PRIM2: variants seen among roughly 807,000 people sequenced by gnomAD.
PRIM2 encodes DNA primase subunit 2.
In PRIM2, 39 loss-of-function variants were observed where a neutral mutation model predicts 67.3. The observed-to-expected ratio is 0.58, with a 90% CI of 0.45 to 0.76. PRIM2 has a LOEUF of 0.76. Among genes scored for constraint, PRIM2 ranks in the 30% least tolerant of loss-of-function variants. PRIM2 has a pLI of 0.00. For missense variants in PRIM2, 398 were observed against 598.7 expected (o/e 0.66, Z 3.50); for synonymous variants, 143 against 198.7 (o/e 0.72, Z 2.36).
chr6:57,566,153 A>T, intron 10 of PRIM2, among the ~76,000 whole-genome samples: 1 of 142,098 alleles, frequency 7.0e-6, no homozygotes, highest in Non-Finnish European at 1.5e-5. Context: ...GGTGTCATTT[A>T]ATTTGTTACT....
chr6:57,313,091 A>G (rs545533079), upstream of PRIM2, among the ~76,000 whole-genome samples: 33 of 152,306 alleles, frequency 2.2e-4, no homozygotes, highest in African/African-American at 6.3e-4. Flanking sequence ...ATACTAATGA[A>G]TTAAGATTAG....
At chr6:57,371,774 A>C (rs1313117265) in intron 5 of PRIM2, among the ~76,000 whole-genome samples, 1 of 152,234 alleles carries the variant, frequency 6.6e-6, no homozygotes, top group Non-Finnish European at 1.5e-5. Flanking sequence ...CTCCCCAATC[A>C]GTTTCTTCCT....
intron 7 of PRIM2, among the ~76,000 whole-genome samples, chr6:57,487,218 T>C (rs1562774134): frequency 6.6e-6 from 1 of 152,206 alleles, no homozygotes; most frequent in Non-Finnish European, 1.5e-5. Context: ...CCATCTTCTA[T>C]GACATATTCA....
At chr6:57,275,449 A>G in the PRIM2 span, among the ~76,000 whole-genome samples, 1 of 152,216 alleles carries the variant, frequency 6.6e-6, no homozygotes, top group Non-Finnish European at 1.5e-5. Context: ...AGATCGTGCC[A>G]TTGCACTCCA....
chr6:57,471,109 A>T (rs1233232138), intron 7 of PRIM2, among the ~76,000 whole-genome samples: 1 of 152,088 alleles, frequency 6.6e-6, no homozygotes, highest in African/African-American at 2.4e-5. Flanking sequence ...TTCCATCCAA[A>T]GTCTAATTTT....
At chr6:57,502,542 T>C (rs1774156515) in intron 7 of PRIM2, among the ~76,000 whole-genome samples, 2 of 152,218 alleles carry the variant, frequency 1.3e-5, no homozygotes, top group African/African-American at 2.4e-5. Flanking sequence ...TGAACCTTAA[T>C]TGCATGTGTG....
intron 10 of PRIM2, among the ~76,000 whole-genome samples, chr6:57,540,955 C>T (rs1775136365): frequency 6.6e-6 from 1 of 152,160 alleles, no homozygotes; most frequent in South Asian, 2.1e-4. Context: ...AAAGTGATCT[C>T]TCACAGTTCT....
intron 7 of PRIM2, among the ~76,000 whole-genome samples, chr6:57,452,149 T>C (rs1772576596): frequency 6.6e-6 from 1 of 152,166 alleles, no homozygotes; most frequent in Non-Finnish European, 1.5e-5. Flanking sequence ...TTCCGTGGTA[T>C]ATATGTGCCA....
At chr6:57,601,327 G>T (rs1776460154) in intron 11 of PRIM2, 108 bp downstream of exon 11, 11 of 1,224,384 alleles carry the variant, frequency 9.0e-6, no homozygotes, top group Non-Finnish European at 1.2e-5. Context: ...GACCTAGTTT[G>T]TATCTTATCT....
chr6:57,346,414 G>C (rs1768680270), intron 5 of PRIM2, among the ~76,000 whole-genome samples: 1 of 152,002 alleles, frequency 6.6e-6, no homozygotes, highest in Admixed American at 6.6e-5. Flanking sequence ...CCGCCTCCTG[G>C]GTTCAAATGA....
At chr6:57,416,866 G>A (rs12190079) in intron 7 of PRIM2, among the ~76,000 whole-genome samples, 1 of 152,206 alleles carries the variant, frequency 6.6e-6, no homozygotes, top group South Asian at 2.1e-4. Context: ...TAGGGGCTTG[G>A]TCTGGATTAG....
intron 13 of PRIM2, among the ~76,000 whole-genome samples, chr6:57,634,346 CT>C (rs1777084167): frequency 1.3e-5 from 2 of 152,190 alleles, no homozygotes; most frequent in Admixed American, 1.3e-4. Flanking sequence ...CTATACCTAA[CT>C]TTTGAAAGTA....
the PRIM2 span, among the ~76,000 whole-genome samples, chr6:57,294,239 G>A: frequency 6.6e-6 from 1 of 152,138 alleles, no homozygotes; most frequent in Non-Finnish European, 1.5e-5. Flanking sequence ...CAGCACTTTG[G>A]GAGGCGTAGG....
the PRIM2 span, among the ~76,000 whole-genome samples, chr6:57,239,703 G>A: frequency 3.9e-5 from 6 of 152,070 alleles, no homozygotes; most frequent in African/African-American, 7.2e-5. Context: ...CCAAGATTGC[G>A]CCACTTCACT....
rs769852305 is a variant in PRIM2, at chr6:57,382,129, C to G, written c.654C>G (p.Ile218Met). Residue 218 changes from isoleucine to methionine, a missense_variant, in exon 7 of 14, where the codon ATC becomes ATG. By Grantham distance (10) the Ile-to-Met change is conservative. This residue lies in a region of PRIM2 where 229 missense variants were observed against 383.6 expected (regional missense o/e 0.60). Transcript: ENST00000615550. ...YVPLKDIVAI[I>M]LNEFRAKLSK... ...CACTTAAGGACATTGTGGCAATCAT[C>G]CTGAATGAATTTAGAGCCAAACTGT... 4.3e-6 allele frequency: 7 copies of G among 1,613,274 alleles called. No individual in the cohort carries two copies. Among genetic ancestry groups the G allele is most frequent in the Non-Finnish European group, 4.2e-6 (5 of 1,179,498 alleles).
the PRIM2 span, among the ~76,000 whole-genome samples, chr6:57,235,489 C>T: frequency 0.88 from 133,869 of 151,742 alleles, 59,814 homozygotes; most frequent in South Asian, 0.99. Context: ...GAAAAAAATG[C>T]TTAAATGTAG....
At chr6:57,441,847 T>C (rs2127385294) in intron 7 of PRIM2, among the ~76,000 whole-genome samples, 1 of 152,250 alleles carries the variant, frequency 6.6e-6, no homozygotes, top group East Asian at 1.9e-4. Flanking sequence ...TCTGAGACTT[T>C]AATCAAAGGT....
At chr6:57,271,498 G>A in the PRIM2 span, among the ~76,000 whole-genome samples, 5 of 152,056 alleles carry the variant, frequency 3.3e-5, no homozygotes, top group Non-Finnish European at 4.4e-5. Flanking sequence ...TTTGTATTCC[G>A]TCTATTTGAT....
chr6:57,440,707 A>G (rs1422666410), intron 7 of PRIM2, among the ~76,000 whole-genome samples: 1 of 152,212 alleles, frequency 6.6e-6, no homozygotes, highest in Non-Finnish European at 1.5e-5. Context: ...GACTGGCAGC[A>G]CTGTGAACCA....
Sources: gnomAD v4.1 joint callset for allele counts (sites outside exome capture counted in the v4.1 genomes callset) on GRCh38, gnomAD v4.1.1 for gene constraint, gnomAD v4.1.1 regional missense constraint, MANE v1.5 for transcripts, NCBI Gene and HGNC (gene_info 2026-07-23, HGNC 2026-07-21) for gene names.